Variants in SH3D19 observed in about 807,000 individuals in gnomAD.
The protein encoded by SH3D19 is SH3 domain containing 19.
In SH3D19, 58 loss-of-function variants were observed where a neutral mutation model predicts 112.1. That is an observed-to-expected ratio of 0.52 (90% CI 0.42 to 0.64). The LOEUF (loss-of-function observed/expected upper bound fraction) is 0.64, where lower values mean the gene tolerates loss of function less well. Among genes scored for constraint, SH3D19 ranks in the 30% least tolerant of loss-of-function variants. SH3D19 has a pLI of 0.00. For missense variants in SH3D19, 1,090 were observed against 1,263.4 expected, an observed-to-expected ratio of 0.86 and a Z score of 2.08; for synonymous variants, 391 against 448.5, an observed-to-expected ratio of 0.87 and a Z score of 1.62.
At chr4:151,138,675 A>G (rs1752344316) in intron 13 of SH3D19, among the ~76,000 whole-genome samples, 1 of 135,522 alleles carries the variant, frequency 7.4e-6, no homozygotes, top group Admixed American at 8.4e-5. Context: ...GCGACAGAGC[A>G]AGATCTTGTC....
intron 15 of SH3D19, among the ~76,000 whole-genome samples, 162 bp from the exon 16 acceptor site, chr4:151,133,398 T>G (rs1276033870): frequency 6.6e-6 from 1 of 152,198 alleles, no homozygotes; most frequent in Non-Finnish European, 1.5e-5. Flanking sequence ...AAGTTACACT[T>G]TTAAGTAACA....
chr4:151,232,680 T>A (rs894133098), intron 1 of SH3D19, among the ~76,000 whole-genome samples: 15 of 152,158 alleles, frequency 9.9e-5, no homozygotes, highest in Admixed American at 8.5e-4. Context: ...ATCTAGACCA[T>A]CAATTCTATG....
chr4:151,162,150 G>A (rs901191175), intron 8 of SH3D19, among the ~76,000 whole-genome samples: 13 of 105,056 alleles, frequency 1.2e-4, no homozygotes, highest in African/African-American at 4.5e-4. Flanking sequence ...CCCTCCCCTT[G>A]CCCCCAACTC....
intron 19 of SH3D19, among the ~76,000 whole-genome samples, chr4:151,126,213 C>T (rs28593016): frequency 0.14 from 21,542 of 152,158 alleles, 3,434 homozygotes; most frequent in African/African-American, 0.39. Context: ...GTGTGAGCCA[C>T]TGTTGCTCGG....
At chr4:151,309,583 T>C (rs1303265924) in intron 1 of SH3D19, among the ~76,000 whole-genome samples, 2 of 152,152 alleles carry the variant, frequency 1.3e-5, no homozygotes, top group Non-Finnish European at 2.9e-5. Flanking sequence ...AAAGAAGGTA[T>C]ACAAACACCC....
At chr4:151,213,677 TTA>T (rs1766364408) in intron 2 of SH3D19, among the ~76,000 whole-genome samples, 9 of 149,178 alleles carry the variant, frequency 6.0e-5, no homozygotes, top group African/African-American at 2.2e-4. Flanking sequence ...AATTAATTAA[TTA>T]ATTAATTAAT....
chr4:151,212,863 T>C, intron 2 of SH3D19, among the ~76,000 whole-genome samples: 1 of 152,326 alleles, frequency 6.6e-6, no homozygotes, highest in East Asian at 1.9e-4. Flanking sequence ...GGATTCACCA[T>C]TGTAGATGCC....
chr4:151,130,933 C>A (rs546061062), intron 17 of SH3D19, among the ~76,000 whole-genome samples: 14 of 150,848 alleles, frequency 9.3e-5, no homozygotes, highest in African/African-American at 3.2e-4. Flanking sequence ...GAGTAAGACT[C>A]CGTCTCAAAA....
At chr4:151,251,198 C>CTTTTTTT (rs11368412) in intron 1 of SH3D19, among the ~76,000 whole-genome samples, 1 of 142,570 alleles carries the variant, frequency 7.0e-6, no homozygotes. Flanking sequence ...TCTTTTTTTC[C>CTTTTTTT]TTTTTTTTTT....
intron 1 of SH3D19, among the ~76,000 whole-genome samples, chr4:151,237,542 T>TCTTG (rs3057403): frequency 0.83 from 125,270 of 151,644 alleles, 53,634 homozygotes; most frequent in Non-Finnish European, 0.95. Flanking sequence ...TGTTTTGAGT[T>TCTTG]CTTCACTACT....
chr4:151,253,732 C>T (rs964897817), intron 1 of SH3D19, among the ~76,000 whole-genome samples: 4 of 97,606 alleles, frequency 4.1e-5, no homozygotes, highest in Admixed American at 1.1e-4. Flanking sequence ...CAGAGCGAGA[C>T]TCCGTCTCAA....
intron 2 of SH3D19, 148 bp from the exon 3 acceptor site, chr4:151,187,611 A>T (rs1761997920): frequency 2.4e-6 from 1 of 420,044 alleles, no homozygotes; most frequent in Non-Finnish European, 4.0e-6. Flanking sequence ...TAAAAATCAA[A>T]AATTAAAGAA....
chr4:151,298,275 T>A (rs1775840299), intron 1 of SH3D19, among the ~76,000 whole-genome samples: 1 of 145,292 alleles, frequency 6.9e-6, no homozygotes, highest in African/African-American at 2.5e-5. Flanking sequence ...CCTCCCAGGT[T>A]CAAGAGATTC....
intron 1 of SH3D19, among the ~76,000 whole-genome samples, chr4:151,258,907 C>T (rs773591300): frequency 2.0e-5 from 3 of 151,984 alleles, no homozygotes; most frequent in South Asian, 2.1e-4. Flanking sequence ...TATGCATTCA[C>T]GCTGCTCCTT....
chr4:151,325,042 G>A (rs1730915616), intron 1 of SH3D19, among the ~76,000 whole-genome samples, 199 bp downstream of exon 1: 1 of 152,220 alleles, frequency 6.6e-6, no homozygotes, highest in Non-Finnish European at 1.5e-5. Context: ...GTTAAAGACG[G>A]GTCTGAATTT....
intron 1 of SH3D19, among the ~76,000 whole-genome samples, chr4:151,255,886 C>T (rs1456940135): frequency 6.6e-6 from 1 of 152,204 alleles, no homozygotes; most frequent in Admixed American, 6.5e-5. Flanking sequence ...CGTGGCGGTG[C>T]GAGCCTGCAA....
At chr4:151,278,443 C>G (rs1183962837) in intron 1 of SH3D19, among the ~76,000 whole-genome samples, 1 of 149,458 alleles carries the variant, frequency 6.7e-6, no homozygotes. Flanking sequence ...GTGTTTGTGG[C>G]CCAAAAGAAG....
At chr4:151,307,461 C>G (rs1163825173) in intron 1 of SH3D19, among the ~76,000 whole-genome samples, 3 of 152,234 alleles carry the variant, frequency 2.0e-5, no homozygotes, top group Non-Finnish European at 2.9e-5. Flanking sequence ...CCCTCGTGAG[C>G]CCAAAAAGCC....
At chr4:151,253,111 A>G (rs1771535384) in intron 1 of SH3D19, among the ~76,000 whole-genome samples, 1 of 152,186 alleles carries the variant, frequency 6.6e-6, no homozygotes, top group Non-Finnish European at 1.5e-5. Flanking sequence ...CCATACTACT[A>G]AGAATAAAAA....
Sources: allele counts gnomAD v4.1 joint callset (sites outside exome capture counted in the v4.1 genomes callset), GRCh38; gene constraint gnomAD v4.1.1; transcripts MANE v1.5; gene names NCBI Gene and HGNC (gene_info 2026-07-23, HGNC 2026-07-21).